The following CDH18 variants were observed in gnomAD, a reference collection of about 807,000 sequenced individuals.
CDH18 encodes the protein cadherin-18.
CDH18 carries 31 observed loss-of-function variants against 67.9 expected under a neutral mutation model. That is an observed-to-expected ratio of 0.46 (90% CI 0.34 to 0.62). CDH18 has a LOEUF of 0.62. CDH18 is among the 20% of genes least tolerant of loss of function. The pLI is 0.01. For synonymous variants in CDH18, 362 were observed against 347.2 expected, an observed-to-expected ratio of 1.04 and a Z score of -0.48; for missense variants, 890 against 975.5, an observed-to-expected ratio of 0.91 and a Z score of 1.17.
intron 1 of CDH18, among the ~76,000 whole-genome samples, chr5:20,353,905 C>A (rs143139829): frequency 5.9e-5 from 9 of 152,282 alleles, no homozygotes; most frequent in Non-Finnish European, 8.8e-5. Context: ...GAGTCCCTTG[C>A]CCACCATGAT....
At chr5:20,570,056 G>C (rs1758722035) in intron 1 of CDH18, among the ~76,000 whole-genome samples, 1 of 152,214 alleles carries the variant, frequency 6.6e-6, no homozygotes, top group Middle Eastern at 3.4e-3. Flanking sequence ...GTGCACAGGA[G>C]AATTGAATGG....
At position 19,942,287 on chromosome 5, in the gene CDH18, T is replaced by A. The variant is rs540827873; in HGVS notation, c.-257+38773A>T. ...CATATGATTTTCCTTCAATGGATTA[T>A]CATTCTTTCCTGGAATATGTTAAAT... is the stretch of plus-strand genomic sequence containing the variant. On this transcript the variant is annotated intron_variant, in intron 2 of 12. Coordinates refer to ENST00000382275, the MANE Select transcript of CDH18 (RefSeq NM_004934.5). Among the ~76,000 whole-genome samples, 60 of 152,296 alleles carry A rather than the reference T, an allele frequency of 3.9e-4. 1 individual carries two copies. The highest frequency in any genetic ancestry group is 1.4e-3 in the South Asian group (7 of 4,830).
chr5:20,002,911 C>A (rs1471712779), intron 2 of CDH18, among the ~76,000 whole-genome samples: 1 of 150,200 alleles, frequency 6.7e-6, no homozygotes, highest in African/African-American at 2.5e-5. Flanking sequence ...ATCTGTAGAG[C>A]CAACAATGTG....
intron 1 of CDH18, among the ~76,000 whole-genome samples, chr5:20,354,922 A>G (rs1741486270): frequency 6.6e-6 from 1 of 152,152 alleles, no homozygotes; most frequent in Admixed American, 6.5e-5. Context: ...CATGAAAGGT[A>G]TGCTTCCAAT....
chr5:20,263,228 G>A (rs1183373692), intron 1 of CDH18, among the ~76,000 whole-genome samples: 1 of 152,066 alleles, frequency 6.6e-6, no homozygotes, highest in African/African-American at 2.4e-5. Context: ...ACTTTGAGTT[G>A]TGAGCTGTGA....
At chr5:20,218,731 TG>T (rs1447619760) in intron 2 of CDH18, among the ~76,000 whole-genome samples, 4 of 151,956 alleles carry the variant, frequency 2.6e-5, no homozygotes, top group African/African-American at 9.7e-5. Flanking sequence ...ATTTTGCTCT[TG>T]CCACCACCAA....
At chr5:20,064,613 T>C (rs867167720) in intron 2 of CDH18, among the ~76,000 whole-genome samples, 1 of 152,148 alleles carries the variant, frequency 6.6e-6, no homozygotes, top group South Asian at 2.1e-4. Flanking sequence ...CAGATACCTA[T>C]AGGTGACATG....
rs1014531802 is a variant in CDH18, at chr5:20,560,614, A to G, written c.-580+14848T>C. The stretch of plus-strand genomic sequence containing the variant: ...GTATCAGCTGCTTCTACCAAGCAGC[A>G]TTATCAGCTTCTCCTAGTTAGAAAT... On this transcript the variant is annotated intron_variant, in intron 1 of 14. Transcript: ENST00000507958. 2.0e-5 allele frequency among the ~76,000 whole-genome samples: 3 copies of G among 152,008 alleles called. No homozygotes were observed. The South Asian group carries it at 6.2e-4, about 31-fold the overall frequency.
intron 2 of CDH18, among the ~76,000 whole-genome samples, chr5:19,999,235 C>CAG (rs538730026): frequency 4.6e-5 from 7 of 152,116 alleles, no homozygotes; most frequent in South Asian, 2.1e-4. Context: ...CACACACACA[C>CAG]ACGCACACAC....
At position 20,242,639 on chromosome 5, in the gene CDH18, T is replaced by TATATATACATATATATACATGTAC. The variant is rs1743070450; in HGVS notation, c.-518+12804_-518+12805insGTACATGTATATATATGTATATAT. On this transcript the variant is annotated intron_variant, in intron 2 of 14. Coordinates refer to the CDH18 transcript ENST00000507958. ...ATATATATATATATATATATGTATATATATATATATATGTAAATGGACTAG... is the reference window on the plus strand; with the variant it reads ...ATATATATATATATATATATGTATATATATATACATATATATACATGTACATATATATATATGTAAATGGACTAG... 2.7e-4 allele frequency among the ~76,000 whole-genome samples: 33 copies of TATATATACATATATATACATGTAC among 120,902 alleles called. No individual in the cohort carries two copies. The South Asian group carries it at 7.5e-3, about 27-fold the overall frequency. 79.3% of individuals were successfully genotyped at this position (120,902 alleles called of 152,430 possible). A position where few individuals can be genotyped will look rare whatever the true frequency, so the allele number is the denominator to read the frequency against.
At chr5:20,493,074 G>A (rs996743743) in intron 1 of CDH18, among the ~76,000 whole-genome samples, 1 of 151,886 alleles carries the variant, frequency 6.6e-6, no homozygotes, top group African/African-American at 2.4e-5. Context: ...TTTGGCCCGG[G>A]GTTGTGGCTC....
chr5:20,210,009 TA>T (rs890075336), intron 2 of CDH18, among the ~76,000 whole-genome samples: 13 of 151,504 alleles, frequency 8.6e-5, no homozygotes, highest in African/African-American at 3.1e-4. Flanking sequence ...TAAGATTAAT[TA>T]AAATAATTTT....
chr5:19,781,323 A>G (rs1775086348), intron 3 of CDH18, among the ~76,000 whole-genome samples: 2 of 150,212 alleles, frequency 1.3e-5, no homozygotes, highest in South Asian at 2.1e-4. Flanking sequence ...AATCACATAG[A>G]AAAAAAACAC....
chr5:19,751,378 A>T (rs1191992597), intron 3 of CDH18, among the ~76,000 whole-genome samples: 1 of 152,212 alleles, frequency 6.6e-6, no homozygotes, highest in Admixed American at 6.5e-5. Context: ...TGGGATACAT[A>T]ATTTATATAC....
chr5:19,787,157 T>A (rs532175847), intron 3 of CDH18, among the ~76,000 whole-genome samples: 8 of 152,296 alleles, frequency 5.3e-5, no homozygotes, highest in Non-Finnish European at 1.0e-4. Context: ...ATCTTTGCCT[T>A]GGCCTGAACT....
intron 1 of CDH18, among the ~76,000 whole-genome samples, chr5:20,399,017 C>T (rs915188015): frequency 2.0e-5 from 3 of 152,154 alleles, no homozygotes; most frequent in Admixed American, 1.3e-4. Flanking sequence ...AACAAACCTG[C>T]ACGTTCAGCA....
intron 2 of CDH18, among the ~76,000 whole-genome samples, chr5:19,859,631 C>T (rs1784667635): frequency 6.6e-6 from 1 of 152,146 alleles, no homozygotes; most frequent in African/African-American, 2.4e-5. Context: ...GATTCCAGGT[C>T]TTCACATAAT....
intron 1 of CDH18, among the ~76,000 whole-genome samples, chr5:20,487,027 T>G (rs537727917): frequency 2.6e-5 from 4 of 152,288 alleles, no homozygotes; most frequent in African/African-American, 9.6e-5. Context: ...CCAGGACTCA[T>G]GTTCCCCTGA....
chr5:19,602,460 AACAC>A (rs143426499), intron 6 of CDH18, among the ~76,000 whole-genome samples: 128 of 150,778 alleles, frequency 8.5e-4, no homozygotes, highest in Non-Finnish European at 1.6e-3. Context: ...AACACTGCAA[AACAC>A]ACACACACAC....
Sources: allele counts gnomAD v4.1 joint callset (sites outside exome capture counted in the v4.1 genomes callset), GRCh38; gene constraint gnomAD v4.1.1; transcripts MANE v1.5; gene names NCBI Gene and HGNC (gene_info 2026-07-23, HGNC 2026-07-21).